DRC8: variants seen among roughly 807,000 people sequenced by gnomAD.
The protein encoded by DRC8 is dynein regulatory complex protein 8.
At chr1:244,982,511 A>T in the DRC8 span, among the ~76,000 whole-genome samples, 1 of 152,056 alleles carries the variant, frequency 6.6e-6, no homozygotes, top group African/African-American at 2.4e-5. Context: ...CAAAAAGACA[A>T]AAATTAGCCA....
the DRC8 span, chr1:245,022,885 A>G: frequency 6.6e-6 from 1 of 152,172 alleles, no homozygotes; most frequent in Non-Finnish European, 1.5e-5. Flanking sequence ...CTCTGTACCC[A>G]TTTAACAATA....
At chr1:245,010,007 T>G in the DRC8 span, among the ~76,000 whole-genome samples, 1 of 152,072 alleles carries the variant, frequency 6.6e-6, no homozygotes. Flanking sequence ...ACTACAGGCG[T>G]GCGCCACCAC....
At chr1:245,122,103 T>C in the DRC8 span, 46,939 of 262,870 alleles carry the variant, frequency 0.18, 6,444 homozygotes, top group African/African-American at 0.44. Flanking sequence ...TTCACCATGG[T>C]CTGGTGACCT....
At chr1:244,991,325 T>G in the DRC8 span, among the ~76,000 whole-genome samples, 1 of 152,124 alleles carries the variant, frequency 6.6e-6, no homozygotes, top group Non-Finnish European at 1.5e-5. Flanking sequence ...TCTCCCGGCA[T>G]GTGGATGTGC....
chr1:245,071,383 A>G, the DRC8 span, among the ~76,000 whole-genome samples: 110 of 152,338 alleles, frequency 7.2e-4, no homozygotes, highest in Admixed American at 1.7e-3. Context: ...AGAAATATGG[A>G]TGGCAAAGGC....
chr1:245,041,023 A>C, the DRC8 span, among the ~76,000 whole-genome samples: 1 of 152,256 alleles, frequency 6.6e-6, no homozygotes, highest in African/African-American at 2.4e-5. Context: ...AAAGAAAATA[A>C]AGTAGGATAA....
At chr1:245,012,342 T>A in the DRC8 span, among the ~76,000 whole-genome samples, 4 of 151,714 alleles carry the variant, frequency 2.6e-5, no homozygotes, top group African/African-American at 9.7e-5. Context: ...ATAATAATTA[T>A]ATTTTTATAA....
the DRC8 span, among the ~76,000 whole-genome samples, chr1:245,114,724 G>A: frequency 1.3e-5 from 2 of 152,100 alleles, no homozygotes; most frequent in Non-Finnish European, 2.9e-5. Context: ...TTTAAATTAT[G>A]ATCATTATTA....
At chr1:245,094,298 G>A in the DRC8 span, among the ~76,000 whole-genome samples, 1 of 152,120 alleles carries the variant, frequency 6.6e-6, no homozygotes, top group African/African-American at 2.4e-5. Flanking sequence ...CTGTGCTTAG[G>A]TGTTGGGATA....
At chr1:245,089,730 A>G in the DRC8 span, among the ~76,000 whole-genome samples, 2 of 152,290 alleles carry the variant, frequency 1.3e-5, no homozygotes, top group African/African-American at 4.8e-5. This position sits in a 1 kb window ranked among gnomAD's most constrained non-coding sequence, Gnocchi z 4.8. Context: ...GGCAGTGAAG[A>G]GGAGGAAACG....
At chr1:244,991,986 CA>C in the DRC8 span, among the ~76,000 whole-genome samples, 1 of 152,050 alleles carries the variant, frequency 6.6e-6, no homozygotes, top group Non-Finnish European at 1.5e-5. Context: ...TGTTTTAAAC[CA>C]AAACCCATAG....
chr1:245,077,500 C>T, the DRC8 span, among the ~76,000 whole-genome samples: 1 of 152,078 alleles, frequency 6.6e-6, no homozygotes, highest in Admixed American at 6.6e-5. Flanking sequence ...GTAATCAAAA[C>T]AGTGTGGTAC....
At chr1:245,047,067 G>T in the DRC8 span, among the ~76,000 whole-genome samples, 1 of 152,166 alleles carries the variant, frequency 6.6e-6, no homozygotes, top group African/African-American at 2.4e-5. Flanking sequence ...GGAGCCACTC[G>T]CAGTGCTGCT....
the DRC8 span, among the ~76,000 whole-genome samples, chr1:245,049,376 TGGGTTA>T: frequency 1.2e-4 from 18 of 152,322 alleles, no homozygotes; most frequent in East Asian, 3.5e-3. The surrounding 1 kb of genome is among the most constrained non-coding windows in gnomAD (Gnocchi z 4.5). Flanking sequence ...TCAGATCACT[TGGGTTA>T]AGGTGTCATT....
the DRC8 span, among the ~76,000 whole-genome samples, chr1:245,011,513 G>A: frequency 6.6e-6 from 1 of 152,216 alleles, no homozygotes; most frequent in Admixed American, 6.5e-5. Context: ...GTTTTGATTA[G>A]AAGGTTACTG....
At chr1:245,098,926 A>G in the DRC8 span, among the ~76,000 whole-genome samples, 1 of 152,268 alleles carries the variant, frequency 6.6e-6, no homozygotes, top group Non-Finnish European at 1.5e-5. Flanking sequence ...AGGTAACTGC[A>G]GAGGCACTGG....
At chr1:244,971,183 A>G in the DRC8 span, 1 of 152,154 alleles carries the variant, frequency 6.6e-6, no homozygotes, top group Non-Finnish European at 1.5e-5. Flanking sequence ...AGCGCCGCGC[A>G]ATTGGCCTAG....
At chr1:245,087,978 G>T in the DRC8 span, 1 of 262,158 alleles carries the variant, frequency 3.8e-6, no homozygotes, top group Admixed American at 6.5e-5. Context: ...AGAAAAGAAG[G>T]TTGAGTGGAA....
chr1:245,050,455 A>G, the DRC8 span, among the ~76,000 whole-genome samples: 2 of 151,990 alleles, frequency 1.3e-5, no homozygotes, highest in Non-Finnish European at 2.9e-5. Flanking sequence ...GCTCTCTCCT[A>G]TATTTCCCTA....
Sources: gnomAD v4.1 joint callset for allele counts (sites outside exome capture counted in the v4.1 genomes callset) on GRCh38, gnomAD v4.1.1 for gene constraint, Gnocchi (gnomAD v3.1) non-coding constraint, MANE v1.5 for transcripts, NCBI Gene and HGNC (gene_info 2026-07-23, HGNC 2026-07-21) for gene names.